The following RIMS1 variants were observed in gnomAD, a reference collection of about 807,000 sequenced individuals.
The protein encoded by RIMS1 is regulating synaptic membrane exocytosis protein 1.
RIMS1 carries 83 observed loss-of-function variants against 214.1 expected under a neutral mutation model. The observed-to-expected ratio is 0.39, with a 90% CI of 0.32 to 0.47. The LOEUF is 0.47. Ranked by LOEUF, RIMS1 falls within the 20% of genes least tolerant of loss-of-function variation. The probability of loss-of-function intolerance (pLI) is 0.99; values close to 1 mark genes in which losing one functional copy is unlikely to be tolerated. For missense variants in RIMS1, 2,050 were observed against 2,161.8 expected, an observed-to-expected ratio of 0.95 and a Z score of 1.03; for synonymous variants, 793 against 786.8, an observed-to-expected ratio of 1.01 and a Z score of -0.13.
At chr6:72,358,618 G>C (rs1316778189) in intron 29 of RIMS1, among the ~76,000 whole-genome samples, 1 of 152,142 alleles carries the variant, frequency 6.6e-6, no homozygotes, top group South Asian at 2.1e-4. Context: ...AGTTAAGTTT[G>C]TCAAGGAAAA....
At chr6:71,950,529 A>G (rs879618913) in intron 1 of RIMS1, among the ~76,000 whole-genome samples, 1 of 152,200 alleles carries the variant, frequency 6.6e-6, no homozygotes, top group Admixed American at 6.5e-5. Flanking sequence ...TAGACACTGG[A>G]CATTTGAGCC....
intron 26 of RIMS1, among the ~76,000 whole-genome samples, chr6:72,293,419 G>T (rs1379092221): frequency 6.6e-6 from 1 of 151,806 alleles, no homozygotes; most frequent in Non-Finnish European, 1.5e-5. Context: ...TAACCCAGAT[G>T]AAATTGTTTT....
chr6:72,200,582 TG>T (rs1481595093), intron 6 of RIMS1, among the ~76,000 whole-genome samples: 2 of 152,200 alleles, frequency 1.3e-5, no homozygotes, highest in Admixed American at 6.5e-5. Flanking sequence ...CAGTTTTACC[TG>T]GCCTGACTTT....
intron 2 of RIMS1, among the ~76,000 whole-genome samples, chr6:71,986,810 G>A (rs1800103273): frequency 6.6e-6 from 1 of 152,228 alleles, no homozygotes; most frequent in African/African-American, 2.4e-5. Flanking sequence ...AGTTGGAATG[G>A]GCAATAGCCC....
intron 2 of RIMS1, among the ~76,000 whole-genome samples, chr6:72,027,127 A>G (rs964964727): frequency 1.3e-5 from 2 of 152,142 alleles, no homozygotes; most frequent in Non-Finnish European, 1.5e-5. Flanking sequence ...GACTTTTTTT[A>G]TTGTGTAATG....
At chr6:72,009,534 G>T (rs1388681968) in intron 2 of RIMS1, among the ~76,000 whole-genome samples, 2 of 150,946 alleles carry the variant, frequency 1.3e-5, no homozygotes, top group African/African-American at 4.8e-5. Context: ...ATTAATCCAG[G>T]AGCTGGTTTT....
Position 72,250,542 on chromosome 6 carries a change from A to T in RIMS1, c.2372+82A>T, listed in dbSNP as rs969001253. On this transcript the variant is annotated intron_variant, in intron 13 of 33. Transcript: ENST00000521978. Reference sequence around the variant, plus strand: ...GAATTTTCTCTTTTGGGATGTTTTTAAAAAATATAATAGATAATTCTGAGG... The same window carrying T: ...GAATTTTCTCTTTTGGGATGTTTTTTAAAAATATAATAGATAATTCTGAGG... 7.9e-6 allele frequency: 8 copies of T among 1,018,314 alleles called. No individual in the cohort carries two copies. The African/African-American group carries it at 9.9e-5, about 13-fold the overall frequency. 63.1% of individuals were successfully genotyped at this position (1,018,314 alleles called of 1,614,324 possible). A position where few individuals can be genotyped will look rare whatever the true frequency, so the allele number is the denominator to read the frequency against.
At chr6:72,174,735 G>C (rs2496500) in intron 4 of RIMS1, among the ~76,000 whole-genome samples, 72,694 of 151,800 alleles carry the variant, frequency 0.48, 18,572 homozygotes, top group East Asian at 0.83. Flanking sequence ...AGGATATAGA[G>C]TAACAGTGGA....
At position 72,193,290 on chromosome 6, in the gene RIMS1, T is replaced by C. The variant is rs117736250; in HGVS notation, c.1678+10141T>C. Among the ~76,000 whole-genome samples the C allele has an allele frequency of 6.7e-3, 1,021 of 152,318 alleles. 9 individuals carry two copies. Among genetic ancestry groups the C allele is most frequent in the Middle Eastern group, 0.017 (5 of 294 alleles). ...GGGTTGTACACATCTCTGAAGTTAG[T>C]GTTAAACCTGTGCATCTGGGAACAC... On this transcript the variant is annotated intron_variant, in intron 6 of 33. Transcript: ENST00000521978.
chr6:72,068,646 G>T (rs1166649092), intron 2 of RIMS1, among the ~76,000 whole-genome samples: 1 of 152,170 alleles, frequency 6.6e-6, no homozygotes, highest in East Asian at 1.9e-4. Context: ...GGTGCTGGCG[G>T]GGCGTGGTGG....
intron 29 of RIMS1, among the ~76,000 whole-genome samples, chr6:72,345,329 G>A (rs1259973042): frequency 6.6e-6 from 1 of 150,664 alleles, no homozygotes; most frequent in Non-Finnish European, 1.5e-5. Flanking sequence ...ATTTTTCTAT[G>A]CATTTGTATT....
In RIMS1 at chr6:72,026,762, G is replaced by A. The variant is rs1231398234; in HGVS notation, c.245+57699G>A. On this transcript the variant is annotated intron_variant, in intron 2 of 33. Coordinates refer to ENST00000521978, the MANE Select transcript of RIMS1 (RefSeq NM_014989.7). ...TTAAATAGTATTTTGTTTTCACTAT[G>A]TAGTGGCACTTTTTGTATACTGCCT... Among the ~76,000 whole-genome samples, 3 of 152,144 alleles carry A rather than the reference G, an allele frequency of 2.0e-5. No homozygotes were observed. The East Asian group carries it at 5.8e-4, about 29-fold the overall frequency.
intron 26 of RIMS1, among the ~76,000 whole-genome samples, chr6:72,296,208 T>G (rs922370484): frequency 6.6e-6 from 1 of 151,872 alleles, no homozygotes; most frequent in Non-Finnish European, 1.5e-5. Context: ...AATGTTTTTT[T>G]AAAAATTTAT....
intron 1 of RIMS1, among the ~76,000 whole-genome samples, chr6:71,908,261 G>A (rs964463253): frequency 2.0e-5 from 3 of 152,150 alleles, no homozygotes; most frequent in Non-Finnish European, 4.4e-5. Context: ...CATTACAGGA[G>A]ACAGAAATAT....
rs945102103 is a variant in RIMS1 at position 72,159,025 on chromosome 6, G to A, written c.472-20550G>A. 3.1e-4 allele frequency among the ~76,000 whole-genome samples: 44 copies of A among 140,814 alleles called. 12 individuals carry two copies. Among genetic ancestry groups the A allele is most frequent in the Non-Finnish European group, 5.7e-4 (35 of 61,874 alleles). 92.4% of individuals were successfully genotyped at this position (140,814 alleles called of 152,430 possible). On this transcript the variant is annotated intron_variant, in intron 4 of 33. Coordinates refer to ENST00000521978, the MANE Select transcript of RIMS1 (RefSeq NM_014989.7). Reference sequence around the variant, plus strand: ...GTTTACAGTCCCACCAACAGTGTAAGTGTTCCTATTTCTCCACATCCTCTC... The same window carrying A: ...GTTTACAGTCCCACCAACAGTGTAAATGTTCCTATTTCTCCACATCCTCTC...
At chr6:71,900,710 G>C (rs181452612) in intron 1 of RIMS1, among the ~76,000 whole-genome samples, 125 of 152,240 alleles carry the variant, frequency 8.2e-4, no homozygotes, top group Non-Finnish European at 1.7e-3. Context: ...TGGTGGAAGA[G>C]AGATCCCAAA....
chr6:72,264,123 T>C, intron 19 of RIMS1: 1 of 553,416 alleles, frequency 1.8e-6, no homozygotes, highest in Non-Finnish European at 2.3e-6. Flanking sequence ...AGGAAGCCTT[T>C]GATAAATGTT....
At chr6:72,209,141 A>G (rs1284766324) in intron 6 of RIMS1, among the ~76,000 whole-genome samples, 1 of 152,248 alleles carries the variant, frequency 6.6e-6, no homozygotes, top group Non-Finnish European at 1.5e-5. Context: ...TTTGAAAACA[A>G]TAATTTACAT....
chr6:72,336,450 T>G (rs1371828258), intron 29 of RIMS1, among the ~76,000 whole-genome samples: 4 of 151,846 alleles, frequency 2.6e-5, no homozygotes, highest in Non-Finnish European at 5.9e-5. Context: ...AGATGTATTG[T>G]TAATAACTTC....
Sources: gnomAD v4.1 joint callset for allele counts (sites outside exome capture counted in the v4.1 genomes callset) on GRCh38, gnomAD v4.1.1 for gene constraint, MANE v1.5 for transcripts, NCBI Gene and HGNC (gene_info 2026-07-23, HGNC 2026-07-21) for gene names.